Variants in AKR1C2 observed in about 807,000 individuals in gnomAD.
The protein encoded by AKR1C2 is aldo-keto reductase family 1 member C2, also known as 3-alpha-HSD3.
AKR1C2 carries 27 observed loss-of-function variants against 39.8 expected under a neutral mutation model. The ratio of observed to expected loss-of-function variants is 0.68; its 90% CI spans 0.50 to 0.93. AKR1C2 has a LOEUF of 0.93. Ranked by LOEUF, AKR1C2 falls within the 40% of genes least tolerant of loss-of-function variation. AKR1C2 has a pLI of 0.00. For missense variants in AKR1C2, 263 were observed against 365.1 expected, an observed-to-expected ratio of 0.72 and a Z score of 2.28; for synonymous variants, 114 against 137.9, an observed-to-expected ratio of 0.83 and a Z score of 1.22.
intron 1 of AKR1C2, among the ~76,000 whole-genome samples, chr10:5,013,949 T>C (rs1257329407): frequency 6.6e-6 from 1 of 152,206 alleles, no homozygotes; most frequent in Non-Finnish European, 1.5e-5. Context: ...TAGTTGGACT[T>C]ATACAGTATT....
chr10:5,014,703 T>A (rs564534170), intron 1 of AKR1C2, among the ~76,000 whole-genome samples: 1 of 152,200 alleles, frequency 6.6e-6, no homozygotes, highest in Non-Finnish European at 1.5e-5. Context: ...TCCCTCTAGC[T>A]AGATTGGAAT....
Position 4,988,313 on chromosome 10 carries a change from G to C in AKR1C2, c.*1683C>G, listed in dbSNP as rs1814519070. The C allele has an allele frequency of 6.6e-6, 1 of 152,166 alleles. No homozygotes were observed. The highest frequency in any genetic ancestry group is 1.5e-5 in the Non-Finnish European group (1 of 68,034). The allele number at this position is 152,166 out of a possible 1,614,324, so 9.4% of individuals were successfully genotyped here. ...AACAGGATGGCCATGGTTTACATGA[G>C]ATTTCTTTGAGACATGCTAAGTGTG... On this transcript the variant is annotated 3_prime_UTR_variant, in exon 9 of 9. Transcript: ENST00000380753.
rs1158703784 is a variant in AKR1C2, at chr10:4,990,026, G to A, written c.942C>T (p.Pro314=). ...RYLTLDIFAG[P]PNYPFSDEY ...ATTCATCAGAAAATGGATAATTAGG[G>A]GGGCCAGCAAAACTGGAAAGAGAAA... The change falls in exon 9 of 9, where the codon CCC becomes CCT. Residue 314 remains proline (P), a synonymous_variant. Coordinates refer to ENST00000380753, the MANE Select transcript of AKR1C2 (RefSeq NM_001393392.1). 6.2e-7 allele frequency: 1 copy of A among 1,602,616 alleles called. No individual in the cohort carries two copies.
In AKR1C2 at chr10:4,990,037, A is replaced by G. The variant is rs1416957522; in HGVS notation, c.931T>C (p.Phe311Leu). ...AATGGATAATTAGGGGGGCCAGCAA[A>G]ACTGGAAAGAGAAAAAAAAATGCAC... ...RNVRYLTLDI[F>L]AGPPNYPFSD... is the part of the protein sequence containing the mutation. The change falls in exon 9 of 9, where the codon TTT (phenylalanine) becomes CTT (leucine). Residue 311 changes from phenylalanine to leucine, a missense_variant and splice_region_variant. Around this residue, in one of 3 missense-constraint regions of AKR1C2, gnomAD observed 11 missense variants for 23.2 expected, o/e 0.47. Coordinates refer to ENST00000380753, the MANE Select transcript of AKR1C2 (RefSeq NM_001393392.1). 3.1e-6 allele frequency: 5 copies of G among 1,599,444 alleles called. No individual in the cohort carries two copies. The highest frequency in any genetic ancestry group is 4.3e-6 in the Non-Finnish European group (5 of 1,175,814).
At chr10:4,994,888 T>C (rs1350968387) in intron 7 of AKR1C2, among the ~76,000 whole-genome samples, 1 of 134,162 alleles carries the variant, frequency 7.5e-6, no homozygotes, top group African/African-American at 2.8e-5. Context: ...CACAACCACC[T>C]CGCCAAAAAA....
At chr10:5,008,084 C>G (rs1178007056), upstream of AKR1C2, among the ~76,000 whole-genome samples, 1 of 151,538 alleles carries the variant, frequency 6.6e-6, no homozygotes, top group African/African-American at 2.4e-5. Context: ...GAGTTTAATG[C>G]CCATGGCTTT....
intron 1 of AKR1C2, among the ~76,000 whole-genome samples, chr10:5,014,387 C>G (rs1241579398): frequency 6.6e-6 from 1 of 151,982 alleles, no homozygotes; most frequent in Admixed American, 6.6e-5. Context: ...TCCAAGTGAG[C>G]CTTCAGGCCT....
chr10:5,011,005 T>G (rs1387788069), intron 1 of AKR1C2, among the ~76,000 whole-genome samples: 2 of 147,816 alleles, frequency 1.4e-5, no homozygotes, highest in Non-Finnish European at 3.0e-5. Context: ...AAGAGATGCA[T>G]ATGACTTAAT....
At chr10:4,990,103 G>A (rs45614541) in intron 8 of AKR1C2, 65 bp from the exon 9 acceptor site, 18,313 of 1,600,004 alleles carry the variant, frequency 0.011, 199 homozygotes, top group Non-Finnish European at 0.013. Context: ...CCGTAGCGCA[G>A]TGATTTCTAG....
At chr10:5,003,204 G>GT (rs76620886) in intron 1 of AKR1C2, among the ~76,000 whole-genome samples, 2,814 of 139,074 alleles carry the variant, frequency 0.02, 52 homozygotes, top group African/African-American at 0.054. Context: ...TTTGGTTCTA[G>GT]TTTTTTTTTT....
At chr10:5,004,055 C>A (rs538425298), upstream of AKR1C2, 1 of 457,058 alleles carries the variant, frequency 2.2e-6, no homozygotes, top group African/African-American at 1.9e-5. Context: ...GGTCATGATA[C>A]ACTCATTAAT....
intron 1 of AKR1C2, 56 bp from the exon 2 acceptor site, chr10:5,001,737 G>C (rs1392728899): frequency 1.2e-6 from 2 of 1,605,662 alleles, no homozygotes; most frequent in Non-Finnish European, 1.7e-6. Flanking sequence ...GAGTTAGTTC[G>C]GGCACAAGCA....
chr10:5,000,185 C>T, intron 3 of AKR1C2: 1 of 1,405,718 alleles, frequency 7.1e-7, no homozygotes, highest in Non-Finnish European at 9.2e-7. Flanking sequence ...ACCCTATGTG[C>T]AGCAGGTTTT....
chr10:5,005,300 A>G (rs183856146), upstream of AKR1C2, among the ~76,000 whole-genome samples: 88 of 152,362 alleles, frequency 5.8e-4, 2 homozygotes, highest in East Asian at 0.011. Context: ...CCTGCCGCAC[A>G]TATAAGTTAA....
chr10:5,011,689 G>A (rs1837525785), intron 1 of AKR1C2, among the ~76,000 whole-genome samples: 1 of 152,154 alleles, frequency 6.6e-6, no homozygotes, highest in Admixed American at 6.5e-5. Flanking sequence ...GTAGTCTGAG[G>A]ATTTCAATTT....
chr10:4,990,513 C>T (rs1226320479), intron 8 of AKR1C2, among the ~76,000 whole-genome samples: 3 of 152,052 alleles, frequency 2.0e-5, no homozygotes, highest in Admixed American at 1.3e-4. Context: ...TTACTTACTA[C>T]CTGCCTATCA....
Position 4,998,694 on chromosome 10 carries a change from G to A in AKR1C2, c.501C>T (p.Asn167=), listed in dbSNP as rs146403999. 168 of 1,614,170 alleles carry A rather than the reference G, an allele frequency of 1.0e-4. No homozygotes were observed. The African/African-American group carries it at 1.9e-3, about 19-fold the overall frequency. The change falls in exon 5 of 9, where the codon AAC becomes AAT. Residue 167 remains asparagine (N), a synonymous_variant. Coordinates refer to ENST00000380753, the MANE Select transcript of AKR1C2 (RefSeq NM_001393392.1). ...AGLAKSIGVS[N]FNHRLLEMIL... ...TCATCTCCAGCAGCCTGTGGTTGAAGTTGGACACCCCGATGGACTTGGCCA... is the reference window on the plus strand; with the variant it reads ...TCATCTCCAGCAGCCTGTGGTTGAAATTGGACACCCCGATGGACTTGGCCA...
intron 7 of AKR1C2, among the ~76,000 whole-genome samples, chr10:4,993,716 T>C (rs1192527400): frequency 6.6e-6 from 1 of 151,892 alleles, no homozygotes. Flanking sequence ...ATTTCAAGAA[T>C]ACATTCAAGT....
rs1837015491 is a variant in AKR1C2 at position 4,995,839 on chromosome 10, C to G, written c.597G>C (p.Gln199His). The change falls in exon 6 of 9, where the codon CAG becomes CAC. Residue 199 changes from glutamine (Q) to histidine (H), a missense_variant. Physicochemically the swap from Gln to His is conservative, Grantham distance 24. This residue lies in a region of AKR1C2 where 247 missense variants were observed against 267.9 expected (regional missense o/e 0.92). Coordinates refer to ENST00000380753, the MANE Select transcript of AKR1C2 (RefSeq NM_001393392.1). ...ACTTGCAGAAATCCAGCAGTTTTCT[C>G]TGGTTGAAGTAAGGATGACATTCCA... ...NQVECHPYFN[Q>H]RKLLDFCKSK... 6.2e-7 allele frequency: 1 copy of G among 1,612,134 alleles called. No homozygotes were observed. Among genetic ancestry groups the G allele is most frequent in the African/African-American group, 1.3e-5 (1 of 74,610 alleles).
Sources: allele counts gnomAD v4.1 joint callset (sites outside exome capture counted in the v4.1 genomes callset), GRCh38; gene constraint gnomAD v4.1.1; regional missense constraint gnomAD v4.1.1; transcripts MANE v1.5; gene names NCBI Gene and HGNC (gene_info 2026-07-23, HGNC 2026-07-21).